The following RGS6 variants were observed in gnomAD, a reference collection of about 807,000 sequenced individuals.
RGS6 encodes the protein regulator of G protein signaling 6.
In RGS6, 30 loss-of-function variants were observed where a neutral mutation model predicts 78.5. The ratio of observed to expected loss-of-function variants is 0.38; its 90% CI spans 0.29 to 0.52. The LOEUF is 0.52. RGS6 is among the 20% of genes least tolerant of loss of function. RGS6 has a pLI of 0.85. For synonymous variants in RGS6, 206 were observed against 206.0 expected (o/e 1.00, Z 0.00); for missense variants, 495 against 609.7 (o/e 0.81, Z 1.98).
chr14:72,624,683 A>G, the RGS6 span, among the ~76,000 whole-genome samples: 2 of 152,152 alleles, frequency 1.3e-5, no homozygotes, highest in Non-Finnish European at 2.9e-5. Flanking sequence ...AAGATCCCTC[A>G]TTGCATTTAA....
At chr14:72,391,090 C>G (rs2089861380) in intron 3 of RGS6, among the ~76,000 whole-genome samples, 1 of 152,144 alleles carries the variant, frequency 6.6e-6, no homozygotes, top group Admixed American at 6.5e-5. Flanking sequence ...TCACCGAAAT[C>G]AGGACAAACA....
chr14:72,262,567 A>C (rs576088225), intron 2 of RGS6, among the ~76,000 whole-genome samples: 121 of 152,338 alleles, frequency 7.9e-4, no homozygotes, highest in Non-Finnish European at 1.6e-3. Context: ...AGGTTTCAAC[A>C]TATAAATTTG....
At chr14:72,325,801 A>G (rs66507723) in intron 2 of RGS6, among the ~76,000 whole-genome samples, 8,307 of 152,276 alleles carry the variant, frequency 0.055, 359 homozygotes, top group East Asian at 0.27. Flanking sequence ...CTCACTCACA[A>G]TAAATGTATA....
intron 3 of RGS6, among the ~76,000 whole-genome samples, chr14:72,416,132 G>A (rs1260172065): frequency 2.1e-5 from 3 of 143,560 alleles, no homozygotes; most frequent in Non-Finnish European, 4.5e-5. Flanking sequence ...GTGACAGAAT[G>A]AGACTCTGTC....
chr14:72,560,329 G>A (rs1433166767), intron 17 of RGS6, among the ~76,000 whole-genome samples: 1 of 152,178 alleles, frequency 6.6e-6, no homozygotes, highest in East Asian at 1.9e-4. Flanking sequence ...GGACAGGGAT[G>A]GACATAGGTA....
intron 3 of RGS6, among the ~76,000 whole-genome samples, chr14:72,410,874 G>C (rs1254965929): frequency 1.3e-5 from 2 of 152,148 alleles, no homozygotes; most frequent in East Asian, 3.8e-4. Flanking sequence ...AGATCAGATA[G>C]TTGTAGATAT....
At chr14:72,540,217 T>A in intron 17 of RGS6, 123 bp downstream of exon 17, 1 of 1,510,432 alleles carries the variant, frequency 6.6e-7, no homozygotes, top group South Asian at 1.2e-5. Context: ...GTCCAGTGCT[T>A]TCTCCCTCGA....
chr14:72,053,202 C>T (rs2093436470), intron 2 of RGS6, among the ~76,000 whole-genome samples: 1 of 147,478 alleles, frequency 6.8e-6, no homozygotes, highest in Non-Finnish European at 1.5e-5. Context: ...TCACTGCAAC[C>T]TCCACCTCCC....
chr14:72,230,727 G>A (rs537064417), intron 2 of RGS6, among the ~76,000 whole-genome samples: 6 of 152,214 alleles, frequency 3.9e-5, no homozygotes, highest in South Asian at 4.1e-4. Flanking sequence ...CTTCTTCCTC[G>A]GGGAAACCTC....
At chr14:71,925,016 T>G in the RGS6 span, among the ~76,000 whole-genome samples, 1 of 152,214 alleles carries the variant, frequency 6.6e-6, no homozygotes, top group African/African-American at 2.4e-5. Context: ...CCATAATGGC[T>G]CTACCAGTTT....
chr14:72,598,711 C>G, the RGS6 span, among the ~76,000 whole-genome samples: 6 of 152,350 alleles, frequency 3.9e-5, no homozygotes, highest in South Asian at 1.0e-3. Context: ...CTGGCAGGAG[C>G]AGGCAGCCAG....
intron 2 of RGS6, among the ~76,000 whole-genome samples, chr14:72,331,539 G>A (rs1353803890): frequency 1.3e-5 from 2 of 152,168 alleles, no homozygotes; most frequent in South Asian, 2.1e-4. Flanking sequence ...TGTCGGCCGG[G>A]AGCTGCCTCA....
chr14:72,441,327 A>G (rs2095191091), intron 3 of RGS6, among the ~76,000 whole-genome samples: 1 of 152,222 alleles, frequency 6.6e-6, no homozygotes, highest in South Asian at 2.1e-4. Context: ...TGCAGTCTCT[A>G]AAATCTCTCC....
At chr14:72,529,050 G>A (rs997054002) in intron 15 of RGS6, among the ~76,000 whole-genome samples, 8 of 152,074 alleles carry the variant, frequency 5.3e-5, no homozygotes, top group African/African-American at 1.2e-4. Flanking sequence ...ACCCACCCCC[G>A]TTTACTGTCT....
chr14:72,559,724 G>A (rs995948949), intron 17 of RGS6, among the ~76,000 whole-genome samples: 11 of 152,184 alleles, frequency 7.2e-5, no homozygotes, highest in South Asian at 4.1e-4. Flanking sequence ...AAAAGCAGTC[G>A]GGGGAAGCGA....
At chr14:72,537,318 G>C (rs1325605823) in intron 16 of RGS6, among the ~76,000 whole-genome samples, 5 of 152,192 alleles carry the variant, frequency 3.3e-5, no homozygotes, top group Non-Finnish European at 5.9e-5. Flanking sequence ...TCTGTGTGCT[G>C]TCACCCTCAT....
chr14:72,540,561 A>C (rs965903769), intron 17 of RGS6: 1 of 1,548,708 alleles, frequency 6.5e-7, no homozygotes, highest in Non-Finnish European at 8.7e-7. Flanking sequence ...TCGCGAGCTA[A>C]TGTTGCTGTG....
rs545082352 is a variant in RGS6 at position 72,461,754 on chromosome 14, T to C, written c.394+2071T>C. ...AAGCAGTTTAGTTAGAAAATCAGGA[T>C]GTATTTATGAAGAGAGAATCCAGCA... On this transcript the variant is annotated intron_variant, in intron 6 of 17. Coordinates refer to ENST00000553525, the MANE Select transcript of RGS6 (RefSeq NM_001204424.2). Among the ~76,000 whole-genome samples the C allele has an allele frequency of 3.0e-4, 46 of 152,256 alleles. 1 individual carries two copies. Among genetic ancestry groups the C allele is most frequent in the South Asian group, 8.3e-4 (4 of 4,822 alleles).
intron 2 of RGS6, among the ~76,000 whole-genome samples, chr14:72,242,704 TAAC>T (rs952113055): frequency 2.6e-5 from 4 of 152,148 alleles, no homozygotes; most frequent in African/African-American, 9.7e-5. Context: ...TGTTTGGAAC[TAAC>T]AACTATTTTT....
Sources: gnomAD v4.1 joint callset for allele counts (sites outside exome capture counted in the v4.1 genomes callset) on GRCh38, gnomAD v4.1.1 for gene constraint, MANE v1.5 for transcripts, NCBI Gene and HGNC (gene_info 2026-07-23, HGNC 2026-07-21) for gene names.